Variants in NSMAF observed in about 807,000 individuals in gnomAD.
NSMAF encodes protein FAN.
A neutral mutation model predicts 134.9 loss-of-function variants in NSMAF; 90 were observed. The ratio of observed to expected loss-of-function variants is 0.67; its 90% CI spans 0.56 to 0.79. The LOEUF (loss-of-function observed/expected upper bound fraction) is 0.79. Among genes scored for constraint, NSMAF ranks in the 30% least tolerant of loss-of-function variants. The pLI is 0.00. For synonymous variants in NSMAF, 358 were observed against 389.6 expected (o/e 0.92, Z 0.96); for missense variants, 1,010 against 1,119.0 (o/e 0.90, Z 1.39).
At chr8:58,585,295 G>T (rs1805856183) in intron 30 of NSMAF, among the ~76,000 whole-genome samples, 1 of 147,826 alleles carries the variant, frequency 6.8e-6, no homozygotes, top group African/African-American at 2.6e-5. Context: ...TTTCATTGTA[G>T]TTCCTATTGT....
At chr8:58,657,629 A>G (rs1156336878) in intron 1 of NSMAF, among the ~76,000 whole-genome samples, 1 of 152,270 alleles carries the variant, frequency 6.6e-6, no homozygotes, top group Non-Finnish European at 1.5e-5. Context: ...GATGTGAGAC[A>G]GATTCCTGTC....
chr8:58,625,922 TA>T (rs1430498679), intron 6 of NSMAF, among the ~76,000 whole-genome samples: 2 of 152,044 alleles, frequency 1.3e-5, no homozygotes, highest in African/African-American at 4.8e-5. Context: ...TTTTAAAATT[TA>T]TTTTGATAGT....
intron 9 of NSMAF, among the ~76,000 whole-genome samples, chr8:58,617,134 G>A (rs939421880): frequency 2.0e-5 from 3 of 151,938 alleles, no homozygotes; most frequent in Admixed American, 1.3e-4. Context: ...AAGACTTTTG[G>A]GGTAGAAAAG....
chr8:58,649,113 G>A (rs1330575949), intron 1 of NSMAF, among the ~76,000 whole-genome samples: 1 of 152,218 alleles, frequency 6.6e-6, no homozygotes, highest in Non-Finnish European at 1.5e-5. Flanking sequence ...AGGCAGAGCT[G>A]CCTAAGGCCT....
intron 9 of NSMAF, among the ~76,000 whole-genome samples, chr8:58,611,157 T>C (rs1806521307): frequency 6.6e-6 from 1 of 152,166 alleles, no homozygotes; most frequent in Admixed American, 6.5e-5. Context: ...ATATGACTCA[T>C]GCTCAAGAGA....
At chr8:58,589,003 G>C (rs1298036262) in intron 26 of NSMAF, among the ~76,000 whole-genome samples, 1 of 151,222 alleles carries the variant, frequency 6.6e-6, no homozygotes, top group Non-Finnish European at 1.5e-5. Flanking sequence ...CCCCAGCCTA[G>C]GTAACAGAGC....
At position 58,631,410 on chromosome 8, in the gene NSMAF, G is replaced by T; in HGVS notation, c.384+86C>A. 3 of 696,854 alleles carry T rather than the reference G, an allele frequency of 4.3e-6. No homozygotes were observed. The South Asian group carries it at 6.0e-5, about 14-fold the overall frequency. The allele number at this position is 696,854 out of a possible 1,614,324, so 43.2% of individuals were successfully genotyped here. ...TTAAATACTCATTATTATTATATTTGATTAAAGATGTTAATAGAGTCACAA... is the reference window on the plus strand; with the variant it reads ...TTAAATACTCATTATTATTATATTTTATTAAAGATGTTAATAGAGTCACAA... On this transcript the variant is annotated intron_variant, in intron 6 of 30. Coordinates refer to ENST00000038176, the MANE Select transcript of NSMAF (RefSeq NM_003580.4).
At chr8:58,603,715 T>C (rs1274044635) in intron 12 of NSMAF, among the ~76,000 whole-genome samples, 1 of 148,608 alleles carries the variant, frequency 6.7e-6, no homozygotes, top group Non-Finnish European at 1.5e-5. Flanking sequence ...AAAGAATCCC[T>C]CCAAATGTGC....
chr8:58,640,128 A>G (rs775038067), intron 2 of NSMAF: 3 of 455,272 alleles, frequency 6.6e-6, no homozygotes, highest in Non-Finnish European at 1.3e-5. Flanking sequence ...AGAGTTATTG[A>G]CTACAGTCCA....
At chr8:58,594,086 T>A in intron 23 of NSMAF, 146 bp downstream of exon 23, 2 of 639,730 alleles carry the variant, frequency 3.1e-6, no homozygotes, top group Admixed American at 2.9e-5. Flanking sequence ...TGAAACTCTA[T>A]GTAATGTACC....
intron 9 of NSMAF, among the ~76,000 whole-genome samples, chr8:58,619,705 T>C (rs373587604): frequency 4.6e-5 from 7 of 152,046 alleles, no homozygotes; most frequent in African/African-American, 1.7e-4. Context: ...AAATATGAAG[T>C]ACTAGGAATA....
chr8:58,637,580 T>C (rs1010487386), intron 2 of NSMAF, among the ~76,000 whole-genome samples: 2 of 152,210 alleles, frequency 1.3e-5, no homozygotes, highest in African/African-American at 2.4e-5. Context: ...CATGATTTTA[T>C]ATGTATACAA....
At chr8:58,608,050 C>A (rs1267268022) in intron 10 of NSMAF, among the ~76,000 whole-genome samples, 1 of 152,236 alleles carries the variant, frequency 6.6e-6, no homozygotes, top group Non-Finnish European at 1.5e-5. Context: ...AGTCTTCCTC[C>A]CCGCCATGTG....
At chr8:58,618,923 C>T (rs773945924) in intron 9 of NSMAF, among the ~76,000 whole-genome samples, 8 of 152,066 alleles carry the variant, frequency 5.3e-5, no homozygotes, top group Non-Finnish European at 8.8e-5. Flanking sequence ...AATCCCTTCC[C>T]CCAAATTCTT....
chr8:58,585,808 G>A (rs1264683329), intron 29 of NSMAF, 47 bp from the exon 30 acceptor site: 3 of 1,592,304 alleles, frequency 1.9e-6, no homozygotes, highest in Non-Finnish European at 2.6e-6. Context: ...ATGAAGGAAG[G>A]ATATGTTGAA....
intron 9 of NSMAF, 51 bp downstream of exon 9, chr8:58,623,169 G>A (rs374146285): frequency 1.7e-4 from 229 of 1,376,918 alleles, no homozygotes; most frequent in South Asian, 6.2e-4. Flanking sequence ...GAGGCATACA[G>A]ATGAAAATGT....
chr8:58,589,057 T>C (rs1445144563), intron 26 of NSMAF, among the ~76,000 whole-genome samples: 3 of 151,400 alleles, frequency 2.0e-5, no homozygotes, highest in Non-Finnish European at 4.4e-5. Flanking sequence ...GGAAGTGTTT[T>C]TTTTAAACAA....
intron 21 of NSMAF, 32 bp downstream of exon 21, chr8:58,597,355 G>A: frequency 6.3e-7 from 1 of 1,584,242 alleles, no homozygotes; most frequent in Non-Finnish European, 8.7e-7. Flanking sequence ...GAAACAAAAG[G>A]TGCTCACGTT....
rs191899187 is a variant in NSMAF, at chr8:58,645,031, G to A, written c.60-1958C>T. 1.7e-3 allele frequency among the ~76,000 whole-genome samples: 263 copies of A among 151,748 alleles called. 2 individuals are homozygous for A. The highest frequency in any genetic ancestry group is 0.016 in the South Asian group (77 of 4,792). On this transcript the variant is annotated intron_variant, in intron 1 of 30. Coordinates refer to ENST00000038176, the MANE Select transcript of NSMAF (RefSeq NM_003580.4). ...TAATGTAGATGATGTGTTGATGGGT[G>A]CAGCAAACCACCATGGCACGTGTAT...
Sources: allele counts gnomAD v4.1 joint callset (sites outside exome capture counted in the v4.1 genomes callset), GRCh38; gene constraint gnomAD v4.1.1; transcripts MANE v1.5; gene names NCBI Gene and HGNC (gene_info 2026-07-23, HGNC 2026-07-21).